The following IL7 variants were observed in gnomAD, a reference collection of about 807,000 sequenced individuals.
The protein encoded by IL7 is interleukin 7, also known as interleukin-7.
A neutral mutation model predicts 21.6 loss-of-function variants in IL7; 3 were observed. The ratio of observed to expected loss-of-function variants is 0.14; its 90% CI spans 0.06 to 0.36. The LOEUF (loss-of-function observed/expected upper bound fraction) is 0.36, where lower values mean the gene tolerates loss of function less well. IL7 is among the 10% of genes least tolerant of loss of function. The pLI, the probability that IL7 is intolerant of heterozygous loss-of-function variation, is 1.00. For synonymous variants in IL7, 62 were observed against 68.1 expected, an observed-to-expected ratio of 0.91 and a Z score of 0.44; for missense variants, 175 against 200.2, an observed-to-expected ratio of 0.87 and a Z score of 0.76.
chr8:78,789,653 A>T (rs1813621527), intron 2 of IL7, among the ~76,000 whole-genome samples: 1 of 152,184 alleles, frequency 6.6e-6, no homozygotes, highest in Non-Finnish European at 1.5e-5. Flanking sequence ...CAGGAAGGTT[A>T]GTCAGGGCCC....
intron 3 of IL7, among the ~76,000 whole-genome samples, chr8:78,708,649 C>T (rs867948423): frequency 6.6e-6 from 1 of 150,964 alleles, no homozygotes; most frequent in Admixed American, 6.6e-5. Context: ...GAAAGTTTTT[C>T]CCTTCTTCTA....
chr8:78,796,716 G>A (rs2130841933), intron 2 of IL7, among the ~76,000 whole-genome samples: 1 of 152,008 alleles, frequency 6.6e-6, no homozygotes, highest in African/African-American at 2.4e-5. Flanking sequence ...ACTATGACAA[G>A]CCTATTAAAA....
intron 2 of IL7, among the ~76,000 whole-genome samples, chr8:78,742,804 T>C (rs1811837923): frequency 6.6e-6 from 1 of 152,148 alleles, no homozygotes; most frequent in South Asian, 2.1e-4. Flanking sequence ...CATGGGTTTT[T>C]TTTGTATAGA....
intron 4 of IL7, chr8:78,678,697 T>C (rs1442393795): frequency 6.5e-7 from 1 of 1,548,676 alleles, no homozygotes; most frequent in East Asian, 2.3e-5. Flanking sequence ...TATAACCTTT[T>C]GAACAGTATG....
At chr8:78,686,218 T>A (rs10092335) in intron 3 of IL7, among the ~76,000 whole-genome samples, 104,246 of 151,976 alleles carry the variant, frequency 0.69, 36,587 homozygotes, top group East Asian at 0.91. Context: ...GATAAATAGA[T>A]GTAACACCTA....
chr8:78,761,820 C>T (rs1364636803), intron 2 of IL7: 2 of 1,611,892 alleles, frequency 1.2e-6, no homozygotes, highest in Non-Finnish European at 1.7e-6. Context: ...TCCAGTAGTG[C>T]CTGAAAGTTA....
chr8:78,695,920 G>T (rs374987592), intron 3 of IL7, among the ~76,000 whole-genome samples: 2 of 152,258 alleles, frequency 1.3e-5, no homozygotes, highest in South Asian at 2.1e-4. Flanking sequence ...TATAATGTTT[G>T]ACTTCAAAAT....
chr8:78,688,098 T>TGC, intron 3 of IL7, among the ~76,000 whole-genome samples: 2 of 151,354 alleles, frequency 1.3e-5, no homozygotes, highest in Non-Finnish European at 2.9e-5. Context: ...CGAAACCCTG[T>TGC]TCTAGAGTAT....
intron 2 of IL7, among the ~76,000 whole-genome samples, chr8:78,771,526 C>T (rs1177335784): frequency 6.6e-6 from 1 of 151,962 alleles, no homozygotes; most frequent in Non-Finnish European, 1.5e-5. Flanking sequence ...ACTGGTAAGC[C>T]ACAACATGAA....
intron 4 of IL7, among the ~76,000 whole-genome samples, chr8:78,683,449 C>G (rs1452466850): frequency 2.0e-5 from 3 of 152,224 alleles, no homozygotes; most frequent in African/African-American, 7.2e-5. Flanking sequence ...TTTGGGCTTG[C>G]ACCTCTGAAG....
chr8:78,753,212 G>T (rs551127838), intron 2 of IL7, among the ~76,000 whole-genome samples: 3 of 152,126 alleles, frequency 2.0e-5, no homozygotes, highest in Non-Finnish European at 4.4e-5. Context: ...GTGCAAAAAC[G>T]TTCCTATTTC....
chr8:78,793,523 A>G (rs576851028), intron 2 of IL7, among the ~76,000 whole-genome samples: 2 of 152,300 alleles, frequency 1.3e-5, no homozygotes, highest in East Asian at 3.9e-4. Context: ...ATTTTAATTT[A>G]AAAAGAATTT....
At chr8:78,697,658 C>A in intron 3 of IL7, 3 of 559,720 alleles carry the variant, frequency 5.4e-6, no homozygotes, top group Non-Finnish European at 8.9e-6. Flanking sequence ...AATAAGATAA[C>A]TTTGAGTAGT....
At chr8:78,771,994 C>A (rs1030091540) in intron 2 of IL7, among the ~76,000 whole-genome samples, 1 of 152,104 alleles carries the variant, frequency 6.6e-6, no homozygotes, top group African/African-American at 2.4e-5. Context: ...TGTGGGAAAA[C>A]AATCAGTTAT....
intron 3 of IL7, among the ~76,000 whole-genome samples, chr8:78,696,183 C>G (rs1448908694): frequency 6.6e-6 from 1 of 151,848 alleles, no homozygotes; most frequent in African/African-American, 2.4e-5. Flanking sequence ...TACAGGCGCC[C>G]GCTACCACGC....
chr8:78,684,658 G>A (rs1809903252), intron 4 of IL7, among the ~76,000 whole-genome samples: 1 of 152,134 alleles, frequency 6.6e-6, no homozygotes. Flanking sequence ...AGGAGTAAAG[G>A]GAAGTAATGT....
chr8:78,687,485 T>C (rs1208513964), intron 3 of IL7, among the ~76,000 whole-genome samples: 2 of 144,556 alleles, frequency 1.4e-5, no homozygotes, highest in Non-Finnish European at 3.0e-5. Context: ...TATATATAAT[T>C]ATATATGTTT....
intron 2 of IL7, among the ~76,000 whole-genome samples, chr8:78,753,337 T>C (rs1240462707): frequency 6.6e-6 from 1 of 152,246 alleles, no homozygotes; most frequent in Admixed American, 6.5e-5. Flanking sequence ...TGACCAGTGA[T>C]GATGAACTTT....
chr8:78,799,736 G>T (rs949588669), intron 1 of IL7, among the ~76,000 whole-genome samples: 2 of 152,054 alleles, frequency 1.3e-5, no homozygotes, highest in African/African-American at 4.8e-5. Flanking sequence ...AGGTTTGGAT[G>T]CTAACCTGAA....
Sources: gnomAD v4.1 joint callset for allele counts (sites outside exome capture counted in the v4.1 genomes callset) on GRCh38, gnomAD v4.1.1 for gene constraint, MANE v1.5 for transcripts, NCBI Gene and HGNC (gene_info 2026-07-23, HGNC 2026-07-21) for gene names.